Variants in AFF2 observed in about 807,000 individuals in gnomAD.
The protein encoded by AFF2 is ALF transcription elongation factor 2.
Under a neutral mutation model 76.9 loss-of-function variants are expected in AFF2, and 14 were observed. That is an observed-to-expected ratio of 0.18 (90% CI 0.12 to 0.28). The LOEUF is 0.28. Among genes scored for constraint, AFF2 ranks in the 10% least tolerant of loss-of-function variants. The probability of loss-of-function intolerance (pLI) is 1.00; values close to 1 mark genes in which losing one functional copy is unlikely to be tolerated. For missense variants in AFF2, 868 were observed against 1,001.1 expected, an observed-to-expected ratio of 0.87 and a Z score of 1.79; for synonymous variants, 398 against 366.7, an observed-to-expected ratio of 1.09 and a Z score of -0.98.
At chrX:148,701,012 A>AG (rs782232655) in intron 3 of AFF2, among the ~76,000 whole-genome samples, 4 of 73,730 alleles carry the variant, frequency 5.4e-5, no homozygotes, top group Non-Finnish European at 7.4e-5. Context: ...GAGAGAGAGA[A>AG]TGTGTGTGTG....
intron 3 of AFF2, among the ~76,000 whole-genome samples, chrX:148,668,429 C>T (rs1438592249): frequency 8.9e-6 from 1 of 112,823 alleles, no homozygotes; most frequent in Non-Finnish European, 1.9e-5. Context: ...TCTGACCCCA[C>T]ATTTCCCTTT....
chrX:148,706,341 G>T (rs538675429), intron 3 of AFF2, among the ~76,000 whole-genome samples: 1 of 112,353 alleles, frequency 8.9e-6, no homozygotes, highest in Admixed American at 9.4e-5. Flanking sequence ...TGGAGCAATA[G>T]AATTGTAGGC....
At chrX:148,851,484 T>G (rs782499151) in intron 7 of AFF2, among the ~76,000 whole-genome samples, 1 of 111,590 alleles carries the variant, frequency 9.0e-6, no homozygotes, top group Non-Finnish European at 1.9e-5. Context: ...ACCCTGTGGT[T>G]TTTTGACACT....
At chrX:148,649,493 G>A (rs1453108017) in intron 1 of AFF2, among the ~76,000 whole-genome samples, 8 of 112,248 alleles carry the variant, frequency 7.1e-5, no homozygotes, top group Non-Finnish European at 1.1e-4. Context: ...ATTCATTCTC[G>A]CCAGAGATAT....
chrX:148,725,552 G>A (rs1173663317), intron 3 of AFF2, among the ~76,000 whole-genome samples: 2 of 111,653 alleles, frequency 1.8e-5, no homozygotes, highest in African/African-American at 6.5e-5. Flanking sequence ...AGCTTACTAA[G>A]ATATGGCTGG....
chrX:148,812,624 C>T (rs2070218093), intron 4 of AFF2, among the ~76,000 whole-genome samples: 2 of 111,254 alleles, frequency 1.8e-5, no homozygotes, highest in Admixed American at 9.6e-5. Flanking sequence ...CCTCCCTGAT[C>T]CCCCTTTTTT....
At chrX:148,706,511 G>A (rs1488444363) in intron 3 of AFF2, among the ~76,000 whole-genome samples, 1 of 112,468 alleles carries the variant, frequency 8.9e-6, no homozygotes, top group African/African-American at 3.2e-5. Flanking sequence ...TTCCACTACT[G>A]TAATACCTTC....
At chrX:148,722,816 T>C (rs241086) in intron 3 of AFF2, among the ~76,000 whole-genome samples, 29,144 of 110,185 alleles carry the variant, frequency 0.26, 4,356 homozygotes, top group African/African-American at 0.57. Flanking sequence ...ACTGCCCCAA[T>C]GTGTGTCATG....
chrX:148,704,350 ATT>A (rs1557262163), intron 3 of AFF2, among the ~76,000 whole-genome samples: 1 of 71,797 alleles, frequency 1.4e-5, no homozygotes, highest in African/African-American at 5.7e-5. Context: ...GTATATATAT[ATT>A]TATATATATA....
intron 3 of AFF2, among the ~76,000 whole-genome samples, chrX:148,699,530 A>G (rs2054761358): frequency 8.9e-6 from 1 of 112,075 alleles, no homozygotes; most frequent in Admixed American, 9.5e-5. Flanking sequence ...ACACCTATCT[A>G]GAGGGCAAGT....
At chrX:148,716,301 CAG>C (rs1370657277) in intron 3 of AFF2, among the ~76,000 whole-genome samples, 20 of 111,456 alleles carry the variant, frequency 1.8e-4, no homozygotes, top group Non-Finnish European at 3.8e-4. Context: ...CTGTTGGAAA[CAG>C]TGCTACACTT....
intron 8 of AFF2, 50 bp from the exon 9 acceptor site, chrX:148,904,171 T>G (rs782547148): frequency 2.4e-5 from 19 of 805,337 alleles, no homozygotes; most frequent in Non-Finnish European, 3.3e-5. Flanking sequence ...CTAGTTGCAA[T>G]GATTATGCCT....
In AFF2 at chrX:148,623,515, G is replaced by A. The variant is rs781832986; in HGVS notation, c.48-28484G>A. Among the ~76,000 whole-genome samples, 7 of 108,426 alleles carry A rather than the reference G, an allele frequency of 6.5e-5. No individual in the cohort carries two copies. The East Asian group carries it at 2.0e-3, about 31-fold the overall frequency. The allele number at this position is 108,426 out of a possible 115,157, so 94.2% of individuals were successfully genotyped here. A position where few individuals can be genotyped will look rare whatever the true frequency, so the allele number is the denominator to read the frequency against. On this transcript the variant is annotated intron_variant, in intron 1 of 20. Transcript: ENST00000370460. ...CTGAGAGAAGAACTTAAATATTGGA[G>A]GGTTTATTTTAGTCCTAATATTTTA...
At chrX:148,730,032 A>G (rs1207477178) in intron 3 of AFF2, among the ~76,000 whole-genome samples, 1 of 111,787 alleles carries the variant, frequency 8.9e-6, no homozygotes, top group Non-Finnish European at 1.9e-5. Context: ...CATTAATAAG[A>G]TTTCTAATAC....
chrX:148,504,543 A>G lies in AFF2; in HGVS notation c.47+3399A>G. Among the ~76,000 whole-genome samples the G allele has an allele frequency of 3.5e-5, 4 of 112,880 alleles. No homozygotes were observed. The South Asian group carries it at 1.5e-3, about 41-fold the overall frequency. ...CAAGCTTGCAAACGGGCAGTTATACAGGAAGAGACTTAAACTCACTAAACT... is the reference window on the plus strand; with the variant it reads ...CAAGCTTGCAAACGGGCAGTTATACGGGAAGAGACTTAAACTCACTAAACT... On this transcript the variant is annotated intron_variant, in intron 1 of 20. Transcript: ENST00000370460.
chrX:148,516,826 A>G (rs1017823506), intron 1 of AFF2, among the ~76,000 whole-genome samples: 2 of 111,767 alleles, frequency 1.8e-5, no homozygotes, highest in African/African-American at 6.5e-5. Flanking sequence ...TGAACAAGCT[A>G]CTACTTGGAA....
intron 3 of AFF2, among the ~76,000 whole-genome samples, chrX:148,728,758 C>T (rs1251348521): frequency 8.9e-6 from 1 of 111,856 alleles, no homozygotes; most frequent in Non-Finnish European, 1.9e-5. Flanking sequence ...ACATGCAGGT[C>T]TGGAAATCTG....
Position 148,839,295 on chromosome X carries a change from CA to C in AFF2, c.1173+1563del, listed in dbSNP as rs66895137. ...GGTGAAAGCAAGAAGTCTACACACC[CA>C]CTCCTGTCTCATTTGATTCCTGCCA... On this transcript the variant is annotated intron_variant, in intron 5 of 20. Coordinates refer to ENST00000370460, the MANE Select transcript of AFF2 (RefSeq NM_002025.4). 7.3e-3 allele frequency among the ~76,000 whole-genome samples: 819 copies of C among 112,218 alleles called. 8 individuals are homozygous for C. The highest frequency in any genetic ancestry group is 0.023 in the African/African-American group (699 of 30,889).
intron 7 of AFF2, among the ~76,000 whole-genome samples, chrX:148,854,539 AC>A (rs2124019669): frequency 9.0e-6 from 1 of 111,443 alleles, no homozygotes; most frequent in African/African-American, 3.3e-5. Context: ...CCAAATGGCA[AC>A]CTTTTTCAAA....
Sources: allele counts gnomAD v4.1 joint callset (sites outside exome capture counted in the v4.1 genomes callset), GRCh38; gene constraint gnomAD v4.1.1; transcripts MANE v1.5; gene names NCBI Gene and HGNC (gene_info 2026-07-23, HGNC 2026-07-21).